The following ASH2L variants were observed in gnomAD, a reference collection of about 807,000 sequenced individuals.
ASH2L encodes ASH2 like, histone lysine methyltransferase complex subunit.
In ASH2L, 30 loss-of-function variants were observed where a neutral mutation model predicts 81.1. The observed-to-expected ratio is 0.37, with a 90% CI of 0.28 to 0.50. The LOEUF (loss-of-function observed/expected upper bound fraction) is 0.50, where lower values mean the gene tolerates loss of function less well. Ranked by LOEUF, ASH2L falls within the 20% of genes least tolerant of loss-of-function variation. The pLI is 0.95. For missense variants in ASH2L, 559 were observed against 792.1 expected, an observed-to-expected ratio of 0.71 and a Z score of 3.53; for synonymous variants, 273 against 279.9, an observed-to-expected ratio of 0.98 and a Z score of 0.24.
rs201369010 is a variant in ASH2L at position 38,106,358 on chromosome 8, G to C, written c.189-20G>C. ...GTTTGTCTTGAGAATTCTTACTTGA[G>C]CGCTTTCATTATCTTATAGGGAGGC... On this transcript the variant is annotated intron_variant, in intron 1 of 15. Coordinates refer to ENST00000343823, the MANE Select transcript of ASH2L (RefSeq NM_004674.5). 555 of 1,611,738 alleles carry C rather than the reference G, an allele frequency of 3.4e-4. 1 individual carries two copies. The highest frequency in any genetic ancestry group is 2.3e-4 in the Non-Finnish European group (273 of 1,178,252).
intron 13 of ASH2L, among the ~76,000 whole-genome samples, chr8:38,134,071 A>G (rs1422911316): frequency 6.6e-6 from 1 of 152,152 alleles, no homozygotes; most frequent in African/African-American, 2.4e-5. Flanking sequence ...TCAGGGTTAA[A>G]TGGATTAAGG....
intron 10 of ASH2L, among the ~76,000 whole-genome samples, chr8:38,126,075 C>T (rs1319562283): frequency 6.6e-6 from 1 of 151,942 alleles, no homozygotes; most frequent in Admixed American, 6.6e-5. Flanking sequence ...TGATGGCAGG[C>T]ACCTGTAATC....
At chr8:38,131,057 T>G (rs1370933067) in intron 12 of ASH2L, among the ~76,000 whole-genome samples, 1 of 152,218 alleles carries the variant, frequency 6.6e-6, no homozygotes, top group Middle Eastern at 3.2e-3. Flanking sequence ...GTGATCTGTT[T>G]CTTGTCCTTT....
At chr8:38,120,895 G>C (rs751156086) in intron 9 of ASH2L, 37 bp from the exon 10 acceptor site, 1 of 1,569,360 alleles carries the variant, frequency 6.4e-7, no homozygotes, top group Admixed American at 1.7e-5. Flanking sequence ...GCTAAAGGGG[G>C]TTTTAGTTTT....
At position 38,113,067 on chromosome 8, in the gene ASH2L, C is replaced by T. The variant is rs1004583645; in HGVS notation, c.586-1125C>T. On this transcript the variant is annotated intron_variant, in intron 5 of 15. Transcript: ENST00000343823. ...CACTGCAACTTCTGCCTCCTGGGTT[C>T]AAGCAATTATCCTGCCTCAGCCTCC... Among the ~76,000 whole-genome samples, 29 of 151,946 alleles carry T rather than the reference C, an allele frequency of 1.9e-4. 1 individual carries two copies. The highest frequency in any genetic ancestry group is 3.4e-3 in the Middle Eastern group (1 of 294).
chr8:38,121,944 C>T lies in ASH2L; in HGVS notation c.1165+795C>T, dbSNP rs1242250403. On this transcript the variant is annotated intron_variant, in intron 10 of 15. Transcript: ENST00000343823. Reference sequence around the variant, plus strand: ...TTAGGCAAAAATACATCGAGTCTATCTATGCAAATATCTTGTTTGTTTTTA... The same window carrying T: ...TTAGGCAAAAATACATCGAGTCTATTTATGCAAATATCTTGTTTGTTTTTA... 2.6e-5 allele frequency among the ~76,000 whole-genome samples: 4 copies of T among 152,160 alleles called. No individual in the cohort carries two copies. In the East Asian group the frequency reaches 7.7e-4, roughly 29 times the overall value.
At position 38,139,288 on chromosome 8, in the gene ASH2L, A is replaced by G; in HGVS notation, c.*217A>G. 2.0e-6 allele frequency: 1 copy of G among 498,872 alleles called. No homozygotes were observed. The highest frequency in any genetic ancestry group is 3.6e-6 in the Non-Finnish European group (1 of 279,754). 30.9% of individuals were successfully genotyped at this position (498,872 alleles called of 1,614,324 possible). A position where few individuals can be genotyped will look rare whatever the true frequency, so the allele number is the denominator to read the frequency against. ...CTCTTATTTTGTGTACCATAAGCCA[A>G]CAACCGCTGACTCCAGGATTGCATA... On this transcript the variant is annotated 3_prime_UTR_variant, in exon 16 of 16. Transcript: ENST00000343823.
Position 38,128,385 on chromosome 8 carries a change from C to G in ASH2L, c.1260C>G (p.Ala420=). ...VRASHGVRKG[A]WYFEITVDEM... is the part of the protein sequence containing the mutation. ...CCTCTCATGGAGTACGGAAAGGTGC[C>G]TGGTATTTTGAAATCACTGTGGATG... The change falls in exon 11 of 16, where the codon GCC becomes GCG. Residue 420 remains alanine (A), a synonymous_variant. Transcript: ENST00000343823. 1 of 1,614,098 alleles carries G rather than the reference C, an allele frequency of 6.2e-7. No homozygotes were observed. Among genetic ancestry groups the G allele is most frequent in the Non-Finnish European group, 8.5e-7 (1 of 1,180,018 alleles).
At chr8:38,134,926 A>G (rs976048647) in intron 13 of ASH2L, among the ~76,000 whole-genome samples, 2 of 152,226 alleles carry the variant, frequency 1.3e-5, no homozygotes, top group Admixed American at 1.3e-4. Flanking sequence ...GAGATGTGAC[A>G]TAAGAGTCTT....
intron 10 of ASH2L, among the ~76,000 whole-genome samples, chr8:38,121,611 T>C (rs1320280170): frequency 6.6e-6 from 1 of 152,128 alleles, no homozygotes; most frequent in Non-Finnish European, 1.5e-5. Context: ...TAGTCTATTA[T>C]AGTCTTTAAC....
chr8:38,138,927 T>C (rs773031411), intron 15 of ASH2L, 37 bp from the exon 16 acceptor site: 2 of 1,613,506 alleles, frequency 1.2e-6, no homozygotes, highest in South Asian at 1.1e-5. Flanking sequence ...CCGTGGCTGC[T>C]GTAGTCACCG....
In ASH2L at chr8:38,138,830, T is replaced by G. The variant is rs1802373770; in HGVS notation, c.1734T>G (p.Phe578Leu). 1 of 1,614,226 alleles carries G rather than the reference T, an allele frequency of 6.2e-7. No individual in the cohort carries two copies. Among genetic ancestry groups the G allele is most frequent in the Non-Finnish European group, 8.5e-7 (1 of 1,180,044 alleles). Residue 578 changes from phenylalanine (F) to leucine (L), a missense_variant, in exon 15 of 16, where the codon TTT becomes TTG. Around this residue, in one of 4 missense-constraint regions of ASH2L, gnomAD observed 95 missense variants for 130.7 expected, o/e 0.73. Transcript: ENST00000343823. ...ATTCGCTCCAGGTTTCCATTAACTT[T>G]GGACCATGCTTCAAGTATCCTCCGA... ...LYKSCTVSIN[F>L]GPCFKYPPKD... is the part of the protein sequence containing the mutation.
At position 38,135,668 on chromosome 8, in the gene ASH2L, A is replaced by T. The variant is rs1213551019; in HGVS notation, c.1621A>T (p.Ile541Leu). Residue 541 changes from isoleucine to leucine, a missense_variant and splice_region_variant, in exon 14 of 16, where the codon ATA becomes TTA. By Grantham distance (5) the Ile-to-Leu change is conservative. Around this residue, in one of 4 missense-constraint regions of ASH2L, gnomAD observed 95 missense variants for 130.7 expected, o/e 0.73. Transcript: ENST00000343823. ...KSLKQTPHSE[I>L]IFYKNGVNQG... ...AGTAAAACCATGGTTTTTGTTTCAG[A>T]TAATATTTTATAAAAATGGTGTCAA... 1 of 1,602,478 alleles carries T rather than the reference A, an allele frequency of 6.2e-7. No homozygotes were observed. The highest frequency in any genetic ancestry group is 1.7e-5 in the Admixed American group (1 of 59,150).
At chr8:38,109,483 T>C (rs1372748765) in intron 3 of ASH2L, among the ~76,000 whole-genome samples, 1 of 152,364 alleles carries the variant, frequency 6.6e-6, no homozygotes, top group East Asian at 1.9e-4. Context: ...AGGTCTTCTG[T>C]CCTTCTGTTA....
intron 13 of ASH2L, among the ~76,000 whole-genome samples, chr8:38,134,393 T>G (rs1802176556): frequency 6.6e-6 from 1 of 152,022 alleles, no homozygotes; most frequent in African/African-American, 2.4e-5. Flanking sequence ...GTCTTTATTC[T>G]TTATCAGAGG....
At chr8:38,134,214 A>T (rs994169195) in intron 13 of ASH2L, among the ~76,000 whole-genome samples, 3 of 152,094 alleles carry the variant, frequency 2.0e-5, no homozygotes, top group African/African-American at 7.2e-5. Context: ...TGCCTAGGAA[A>T]ACCAGAGACC....
In ASH2L at chr8:38,133,532, A is replaced by T; in HGVS notation, c.1606A>T (p.Thr536Ser). ...VDKAEKSLKQ[T>S]PHSEIIFYKN... ...TAAAGCAGAGAAGAGCCTGAAGCAG[A>T]CTCCCCATAGTGAGGTGAGTCATGG... Residue 536 changes from threonine to serine, a missense_variant, in exon 13 of 16, where the codon ACT (threonine) becomes TCT (serine). Physicochemically the swap from Thr to Ser is moderately conservative, Grantham distance 58. This residue lies in a region of ASH2L where 95 missense variants were observed against 130.7 expected (regional missense o/e 0.73). Transcript: ENST00000343823. 6.2e-7 allele frequency: 1 copy of T among 1,610,650 alleles called. No individual in the cohort carries two copies. The highest frequency in any genetic ancestry group is 8.5e-7 in the Non-Finnish European group (1 of 1,179,184).
At chr8:38,134,732 A>G (rs949703325) in intron 13 of ASH2L, among the ~76,000 whole-genome samples, 5 of 143,398 alleles carry the variant, frequency 3.5e-5, no homozygotes, top group Non-Finnish European at 7.4e-5. Flanking sequence ...TGAAATAAAG[A>G]AACGAGTTTC....
chr8:38,107,544 AC>A (rs1810492579), intron 3 of ASH2L, among the ~76,000 whole-genome samples: 1 of 152,156 alleles, frequency 6.6e-6, no homozygotes, highest in African/African-American at 2.4e-5. Context: ...ATTTGAGATG[AC>A]CCATGCTCTT....
Sources: gnomAD v4.1 joint callset for allele counts (sites outside exome capture counted in the v4.1 genomes callset) on GRCh38, gnomAD v4.1.1 for gene constraint, gnomAD v4.1.1 regional missense constraint, MANE v1.5 for transcripts, NCBI Gene and HGNC (gene_info 2026-07-23, HGNC 2026-07-21) for gene names.